MACROD2: variants seen among roughly 807,000 people sequenced by gnomAD.
MACROD2 encodes mono-ADP ribosylhydrolase 2.
In MACROD2, 36 loss-of-function variants were observed where a neutral mutation model predicts 70.4. That is an observed-to-expected ratio of 0.51 (90% confidence interval 0.39 to 0.68). The LOEUF is 0.68. Among genes scored for constraint, MACROD2 ranks in the 30% least tolerant of loss-of-function variants. The pLI, the probability that MACROD2 is intolerant of heterozygous loss-of-function variation, is 0.00. For missense variants in MACROD2, 496 were observed against 538.4 expected (o/e 0.92, Z 0.78); for synonymous variants, 172 against 178.8 (o/e 0.96, Z 0.30).
chr20:14,837,481 A>C (rs2073042082), intron 5 of MACROD2, among the ~76,000 whole-genome samples: 1 of 152,040 alleles, frequency 6.6e-6, no homozygotes, highest in Admixed American at 6.6e-5. Context: ...ATATGTAACA[A>C]AGCTTCAATA....
At chr20:15,734,156 C>T (rs1039927993) in intron 8 of MACROD2, among the ~76,000 whole-genome samples, 10 of 152,132 alleles carry the variant, frequency 6.6e-5, no homozygotes, top group East Asian at 3.9e-4. Context: ...AAGTAGGATA[C>T]GGATGTCAGT....
At chr20:14,825,524 AT>A (rs1223185955) in intron 5 of MACROD2, among the ~76,000 whole-genome samples, 3 of 152,156 alleles carry the variant, frequency 2.0e-5, no homozygotes, top group Non-Finnish European at 1.5e-5. Context: ...TCAAAAAAAA[AT>A]ATAGGTCATG....
At chr20:15,071,679 A>G (rs1452553579) in intron 5 of MACROD2, among the ~76,000 whole-genome samples, 1 of 152,206 alleles carries the variant, frequency 6.6e-6, no homozygotes, top group Non-Finnish European at 1.5e-5. Flanking sequence ...TTAGACATTA[A>G]GATAAAAATG....
chr20:15,671,915 C>T (rs1291248230), intron 8 of MACROD2, among the ~76,000 whole-genome samples: 1 of 152,156 alleles, frequency 6.6e-6, no homozygotes, highest in Non-Finnish European at 1.5e-5. Context: ...CCTGGCGTGC[C>T]TTATCAACTG....
At chr20:14,515,465 G>GCGCGCGCGCGCGCACA (rs1369248292) in intron 4 of MACROD2, among the ~76,000 whole-genome samples, 266 of 127,158 alleles carry the variant, frequency 2.1e-3, no homozygotes, top group African/African-American at 7.7e-3. Context: ...ACACACACAC[G>GCGCGCGCGCGCGCACA]CACACACACA....
intron 7 of MACROD2, among the ~76,000 whole-genome samples, chr20:15,478,038 C>G (rs1023627942): frequency 3.3e-5 from 5 of 152,228 alleles, no homozygotes; most frequent in African/African-American, 7.2e-5. Context: ...AGCAGGAATG[C>G]AATCCTGCCC....
At chr20:15,486,975 G>T (rs1806178334) in intron 7 of MACROD2, among the ~76,000 whole-genome samples, 1 of 152,200 alleles carries the variant, frequency 6.6e-6, no homozygotes, top group Non-Finnish European at 1.5e-5. Flanking sequence ...GCCTAACCAA[G>T]CTGGACTCTT....
intron 8 of MACROD2, among the ~76,000 whole-genome samples, chr20:15,787,617 T>A (rs1473586372): frequency 6.6e-6 from 1 of 152,224 alleles, no homozygotes; most frequent in Non-Finnish European, 1.5e-5. Context: ...TGCATCCATG[T>A]TGCTACAAAG....
chr20:15,466,251 C>T (rs1816697099), intron 7 of MACROD2, among the ~76,000 whole-genome samples: 1 of 152,180 alleles, frequency 6.6e-6, no homozygotes, highest in African/African-American at 2.4e-5. Flanking sequence ...ACCATAAATG[C>T]TTTGATCTAT....
At chr20:15,163,788 C>A (rs889395514) in intron 5 of MACROD2, among the ~76,000 whole-genome samples, 1 of 151,778 alleles carries the variant, frequency 6.6e-6, no homozygotes, top group South Asian at 2.1e-4. Flanking sequence ...GATATATTTA[C>A]TATGTAAACC....
At chr20:14,943,867 T>C (rs1340720274) in intron 5 of MACROD2, among the ~76,000 whole-genome samples, 2 of 151,644 alleles carry the variant, frequency 1.3e-5, no homozygotes, top group Non-Finnish European at 2.9e-5. Context: ...TCAGAGTTCA[T>C]GTATTTCATT....
intron 4 of MACROD2, among the ~76,000 whole-genome samples, chr20:14,494,910 A>T (rs1477517805): frequency 6.6e-6 from 1 of 152,142 alleles, no homozygotes; most frequent in Non-Finnish European, 1.5e-5. Context: ...TAAATTGTCC[A>T]TAGTGCTGAT....
intron 7 of MACROD2, among the ~76,000 whole-genome samples, chr20:15,440,288 T>C (rs1292295704): frequency 6.6e-6 from 1 of 152,144 alleles, no homozygotes; most frequent in East Asian, 1.9e-4. Flanking sequence ...CATTGAGTTA[T>C]TGGCTGTAAA....
chr20:15,554,328 G>A (rs1294738366), intron 8 of MACROD2, among the ~76,000 whole-genome samples: 1 of 152,146 alleles, frequency 6.6e-6, no homozygotes, highest in Non-Finnish European at 1.5e-5. Context: ...TTTTGGCAGA[G>A]TTGTTTTGTA....
At chr20:14,227,302 G>GT (rs560949167) in intron 3 of MACROD2, among the ~76,000 whole-genome samples, 4 of 152,194 alleles carry the variant, frequency 2.6e-5, no homozygotes, top group African/African-American at 9.6e-5. Context: ...ACAGGCTCGG[G>GT]TCCCCTTTCA....
intron 6 of MACROD2, among the ~76,000 whole-genome samples, chr20:15,257,979 T>G (rs1029946034): frequency 6.6e-6 from 1 of 151,916 alleles, no homozygotes; most frequent in African/African-American, 2.4e-5. Flanking sequence ...TGATCCTGAC[T>G]TCTGTGTAGG....
chr20:15,656,216 C>G (rs1180334208), intron 8 of MACROD2, among the ~76,000 whole-genome samples: 1 of 152,190 alleles, frequency 6.6e-6, no homozygotes, highest in Non-Finnish European at 1.5e-5. Context: ...GACTCAGTAG[C>G]CTGTCAGAGG....
intron 5 of MACROD2, among the ~76,000 whole-genome samples, chr20:14,971,452 G>GC (rs950878437): frequency 1.3e-5 from 2 of 151,852 alleles, no homozygotes; most frequent in Admixed American, 6.6e-5. Flanking sequence ...GTAAAGGGAG[G>GC]GGGGGGACTC....
chr20:15,870,096 C>G (rs1001799465), intron 9 of MACROD2, among the ~76,000 whole-genome samples: 1 of 151,934 alleles, frequency 6.6e-6, no homozygotes, highest in Non-Finnish European at 1.5e-5. Flanking sequence ...TTATTTTGAC[C>G]TCCTTATAGT....
Sources: gnomAD v4.1 joint callset for allele counts (sites outside exome capture counted in the v4.1 genomes callset) on GRCh38, gnomAD v4.1.1 for gene constraint, MANE v1.5 for transcripts, NCBI Gene and HGNC (gene_info 2026-07-23, HGNC 2026-07-21) for gene names.